CENPQ: variants seen among roughly 807,000 people sequenced by gnomAD.
CENPQ encodes the protein chromosome 6 open reading frame 139.
In CENPQ, 27 loss-of-function variants were observed where a neutral mutation model predicts 36.6. That is an observed-to-expected ratio of 0.74 (90% CI 0.54 to 1.02). The LOEUF is 1.02. Among genes scored for constraint, CENPQ ranks in the 50% least tolerant of loss-of-function variants. The pLI is 0.00. For synonymous variants in CENPQ, 101 were observed against 101.7 expected, an observed-to-expected ratio of 0.99 and a Z score of 0.04; for missense variants, 306 against 301.8, an observed-to-expected ratio of 1.01 and a Z score of -0.10.
intron 5 of CENPQ, among the ~76,000 whole-genome samples, chr6:49,478,127 A>C (rs1768347788): frequency 6.6e-6 from 1 of 152,182 alleles, no homozygotes; most frequent in African/African-American, 2.4e-5. Context: ...CACCATACCC[A>C]AGATACAGTT....
At chr6:49,489,772 A>G (rs924292407) in intron 8 of CENPQ, among the ~76,000 whole-genome samples, 1 of 152,210 alleles carries the variant, frequency 6.6e-6, no homozygotes, top group African/African-American at 2.4e-5. Flanking sequence ...CTCCTTGTAT[A>G]TCTTCATCAG....
intron 1 of CENPQ, among the ~76,000 whole-genome samples, chr6:49,467,065 A>G (rs1479243877): frequency 2.0e-5 from 3 of 152,198 alleles, no homozygotes; most frequent in Non-Finnish European, 4.4e-5. Context: ...ATGCTGCTAA[A>G]CATCCTACAA....
rs761685303 is a variant in CENPQ, at chr6:49,470,173, C to T, written c.-4C>T. 43 of 1,544,208 alleles carry T rather than the reference C, an allele frequency of 2.8e-5. No homozygotes were observed. Among genetic ancestry groups the T allele is most frequent in the Middle Eastern group, 3.5e-4 (2 of 5,678 alleles). On this transcript the variant is annotated 5_prime_UTR_variant, in exon 2 of 9. Coordinates refer to ENST00000335783, the MANE Select transcript of CENPQ (RefSeq NM_018132.4). Reference sequence around the variant, plus strand: ...TTTTTTCGAAGCACTGTGTTTAGATCAAGATGTCTGGTAAAGCAAATGCTT... The same window carrying T: ...TTTTTTCGAAGCACTGTGTTTAGATTAAGATGTCTGGTAAAGCAAATGCTT...
intron 8 of CENPQ, among the ~76,000 whole-genome samples, chr6:49,491,558 G>C (rs1261484247): frequency 6.6e-6 from 1 of 152,118 alleles, no homozygotes; most frequent in African/African-American, 2.4e-5. Flanking sequence ...GGCTCTAGTA[G>C]ACATTGTAGT....
intron 1 of CENPQ, among the ~76,000 whole-genome samples, chr6:49,468,740 C>A (rs1032383825): frequency 1.3e-5 from 2 of 152,168 alleles, no homozygotes; most frequent in Non-Finnish European, 2.9e-5. Context: ...GACAAGGGAA[C>A]ATAGACCTTA....
chr6:49,468,591 C>T (rs879144687), intron 1 of CENPQ, among the ~76,000 whole-genome samples: 1 of 151,780 alleles, frequency 6.6e-6, no homozygotes, highest in Middle Eastern at 3.2e-3. Context: ...TGCAAGACTT[C>T]TTAAAAAAAA....
At chr6:49,479,368 A>G (rs951838990) in intron 5 of CENPQ, among the ~76,000 whole-genome samples, 2 of 152,170 alleles carry the variant, frequency 1.3e-5, no homozygotes, top group African/African-American at 4.8e-5. Flanking sequence ...CGGCCAACAA[A>G]CATGAAAAAA....
intron 1 of CENPQ, among the ~76,000 whole-genome samples, chr6:49,467,934 T>A (rs925140867): frequency 3.3e-5 from 5 of 152,078 alleles, no homozygotes; most frequent in African/African-American, 7.2e-5. Flanking sequence ...GTTCAGGAAA[T>A]CATCAAATCT....
At chr6:49,480,791 A>T (rs1311049291) in intron 5 of CENPQ, among the ~76,000 whole-genome samples, 160 bp from the exon 6 acceptor site, 1 of 152,186 alleles carries the variant, frequency 6.6e-6, no homozygotes, top group Non-Finnish European at 1.5e-5. Context: ...ATGATTTGTC[A>T]GGGCTTTTAG....
At chr6:49,474,468 A>G (rs1200420180) in intron 5 of CENPQ, among the ~76,000 whole-genome samples, 12 of 152,198 alleles carry the variant, frequency 7.9e-5, no homozygotes, top group Admixed American at 5.2e-4. Context: ...TTTGAAACCA[A>G]CGAGAACAAA....
At chr6:49,477,976 C>T (rs898803818) in intron 5 of CENPQ, among the ~76,000 whole-genome samples, 2 of 152,114 alleles carry the variant, frequency 1.3e-5, no homozygotes, top group Non-Finnish European at 2.9e-5. Context: ...TAGTGATCAC[C>T]TTGGTTCATT....
At chr6:49,475,855 T>C (rs1033816284) in intron 5 of CENPQ, among the ~76,000 whole-genome samples, 19 of 151,450 alleles carry the variant, frequency 1.3e-4, no homozygotes, top group Admixed American at 4.6e-4. Flanking sequence ...TACCTAGGAA[T>C]CCACCTTACA....
At position 49,492,804 on chromosome 6, in the gene CENPQ, A is replaced by G. The variant is rs1380367258; in HGVS notation, c.*529A>G. 6.6e-6 allele frequency: 1 copy of G among 152,488 alleles called. No individual in the cohort carries two copies. The highest frequency in any genetic ancestry group is 6.5e-5 in the Admixed American group (1 of 15,276). 9.4% of individuals were successfully genotyped at this position (152,488 alleles called of 1,614,324 possible). A position where few individuals can be genotyped will look rare whatever the true frequency, so the allele number is the denominator to read the frequency against. On this transcript the variant is annotated 3_prime_UTR_variant, in exon 9 of 9. Transcript: ENST00000335783. ...TAGTTAAGATATGCCTGCTATCTTT[A>G]ACTTTGGAGGTAGTATCAAAATTTT...
rs113964490 is a variant in CENPQ at position 49,472,306 on chromosome 6, A to T, written c.278+123A>T. On this transcript the variant is annotated intron_variant, in intron 4 of 8. Coordinates refer to ENST00000335783, the MANE Select transcript of CENPQ (RefSeq NM_018132.4). ...TAGAGTATATTTCTATTTCGGAAGC[A>T]GATAAAATTAATGTGACGGTATTTG... is the stretch of plus-strand genomic sequence containing the variant. 6.3e-6 allele frequency: 5 copies of T among 797,778 alleles called. No individual in the cohort carries two copies. The African/African-American group carries it at 7.2e-5, about 12-fold the overall frequency. The allele number at this position is 797,778 out of a possible 1,614,324, so 49.4% of individuals were successfully genotyped here. A position where few individuals can be genotyped will look rare whatever the true frequency, so the allele number is the denominator to read the frequency against.
intron 5 of CENPQ, among the ~76,000 whole-genome samples, chr6:49,473,387 T>A (rs1768191757): frequency 1.3e-5 from 2 of 152,164 alleles, no homozygotes; most frequent in Admixed American, 1.3e-4. Flanking sequence ...TTTTCTCTAG[T>A]ATTTACACAA....
chr6:49,475,336 C>T (rs1338182515), intron 5 of CENPQ, among the ~76,000 whole-genome samples: 1 of 152,158 alleles, frequency 6.6e-6, no homozygotes, highest in Admixed American at 6.6e-5. Context: ...ATGATTATCT[C>T]ACTAGATGCA....
At chr6:49,479,078 G>A (rs561633054) in intron 5 of CENPQ, among the ~76,000 whole-genome samples, 30 of 152,072 alleles carry the variant, frequency 2.0e-4, no homozygotes, top group Non-Finnish European at 3.2e-4. Context: ...GAAAGCTTAG[G>A]CAGATAGTTT....
At chr6:49,470,622 CAAAAAAAA>C (rs1199878940) in intron 2 of CENPQ, among the ~76,000 whole-genome samples, 13 of 66,386 alleles carry the variant, frequency 2.0e-4, no homozygotes, top group Non-Finnish European at 3.2e-4. Flanking sequence ...GACTCCGTCT[CAAAAAAAA>C]AAAAAAAAAA....
chr6:49,486,774 A>G (rs1448857230), intron 6 of CENPQ, among the ~76,000 whole-genome samples: 2 of 152,102 alleles, frequency 1.3e-5, no homozygotes, highest in East Asian at 1.9e-4. Flanking sequence ...TGAAATATTT[A>G]TAGATAAAAT....
Sources: gnomAD v4.1 joint callset for allele counts (sites outside exome capture counted in the v4.1 genomes callset) on GRCh38, gnomAD v4.1.1 for gene constraint, MANE v1.5 for transcripts, NCBI Gene and HGNC (gene_info 2026-07-23, HGNC 2026-07-21) for gene names.